GTPBP6: variants seen among roughly 807,000 people sequenced by gnomAD.
The protein encoded by GTPBP6 is GTP binding protein 6.
A neutral mutation model predicts 28.9 loss-of-function variants in GTPBP6; 33 were observed. The observed-to-expected ratio is 1.14, with a 90% CI of 0.87 to 1.53. The LOEUF (loss-of-function observed/expected upper bound fraction) is 1.53, where lower values mean the gene tolerates loss of function less well. Among genes scored for constraint, GTPBP6 ranks in the 40% most tolerant of loss-of-function variants. The pLI is 0.00. For synonymous variants in GTPBP6, 231 were observed against 192.7 expected, an observed-to-expected ratio of 1.20 and a Z score of -1.65; for missense variants, 507 against 408.3, an observed-to-expected ratio of 1.24 and a Z score of -2.08.
At chrX:312,687 A>AC (rs1569352028) in intron 6 of GTPBP6, 79 bp downstream of exon 6, 2 of 1,416,578 alleles carry the variant, frequency 1.4e-6, no homozygotes, top group Non-Finnish European at 9.8e-7. Context: ...GACGACAGGG[A>AC]CCCCCTGCCC....
chrX:311,007 A>G (rs751792326), intron 7 of GTPBP6, among the ~76,000 whole-genome samples: 1 of 152,112 alleles, frequency 6.6e-6, no homozygotes, highest in South Asian at 2.1e-4. Flanking sequence ...TCAGGCACAT[A>G]AGCCGGGAGA....
intron 4 of GTPBP6, 48 bp downstream of exon 4, chrX:314,842 T>C (rs2070399557): frequency 1.3e-5 from 5 of 399,892 alleles, no homozygotes; most frequent in East Asian, 7.1e-5. Flanking sequence ...ACGGAGGGGT[T>C]CCGGGAGTGG....
Position 314,882 on chromosome X carries a change from C to T in GTPBP6, c.689+8G>A. The stretch of plus-strand genomic sequence containing the variant: ...GACGCTCGGCGCGGCCCAGGGGCCC[C>T]ACGATACCTGTGCAGCGGCATCTCC... On this transcript the variant is annotated splice_region_variant and intron_variant, in intron 4 of 9. Transcript: ENST00000326153. 2.5e-6 allele frequency: 1 copy of T among 399,132 alleles called. No individual in the cohort carries two copies. The highest frequency in any genetic ancestry group is 3.6e-5 in the East Asian group (1 of 28,076). The allele number at this position is 399,132 out of a possible 1,614,324, so 24.7% of individuals were successfully genotyped here. A position where few individuals can be genotyped will look rare whatever the true frequency, so the allele number is the denominator to read the frequency against.
chrX:317,735 A>G (rs1488780395), intron 1 of GTPBP6, among the ~76,000 whole-genome samples: 13 of 39,006 alleles, frequency 3.3e-4, no homozygotes, highest in African/African-American at 1.5e-3. Context: ...CACCCCACGG[A>G]CCCCACGGGC....
intron 8 of GTPBP6, 41 bp from the exon 9 acceptor site, chrX:307,553 G>A (rs1185079392): frequency 6.2e-7 from 1 of 1,600,974 alleles, no homozygotes; most frequent in Non-Finnish European, 8.5e-7. Context: ...TCAGCGTCGG[G>A]GCGGCCGGAC....
At chrX:314,518 G>C (rs187584597) in intron 4 of GTPBP6, among the ~76,000 whole-genome samples, 1,559 of 151,522 alleles carry the variant, frequency 0.01, 23 homozygotes, top group African/African-American at 0.036. Context: ...TGTCACCCAG[G>C]CTGGAGTGCA....
intron 9 of GTPBP6, among the ~76,000 whole-genome samples, chrX:305,926 G>T (rs1602949027): frequency 1.3e-5 from 2 of 151,986 alleles, no homozygotes; most frequent in South Asian, 2.1e-4. Context: ...ACCTGGGGTG[G>T]TAACTTTTTA....
In GTPBP6 at chrX:317,045, C is replaced by T. The variant is rs2070451736; in HGVS notation, c.356G>A (p.Trp119Ter). The T allele has an allele frequency of 5.0e-6, 2 of 398,472 alleles. No homozygotes were observed. The highest frequency in any genetic ancestry group is 8.8e-6 in the Non-Finnish European group (2 of 226,090). 24.7% of individuals were successfully genotyped at this position (398,472 alleles called of 1,614,324 possible). The change falls in exon 2 of 10, where the codon TGG becomes TAG. Residue 119 changes from tryptophan to a stop codon, truncating the protein, a stop_gained. Coordinates refer to ENST00000326153, the Ensembl canonical transcript of GTPBP6. LOFTEE classifies it high-confidence loss of function. ...CAGCGCTGTGGCCTCCGCCACCTGCCACTCGGCTGCGGGGACACAAGGGCC... is the reference window on the plus strand; with the variant it reads ...CAGCGCTGTGGCCTCCGCCACCTGCTACTCGGCTGCGGGGACACAAGGGCC...
chrX:306,117 G>T (rs768672694), intron 9 of GTPBP6, among the ~76,000 whole-genome samples: 2 of 152,362 alleles, frequency 1.3e-5, no homozygotes, highest in South Asian at 4.1e-4. Context: ...TGGCAGCACA[G>T]ATTAGGCACC....
chrX:307,900 G>C lies in GTPBP6; in HGVS notation c.1126-20C>G. 2 of 1,496,210 alleles carry C rather than the reference G, an allele frequency of 1.3e-6. No individual in the cohort carries two copies. Among genetic ancestry groups the C allele is most frequent in the Non-Finnish European group, 1.8e-6 (2 of 1,124,242 alleles). 92.7% of individuals were successfully genotyped at this position (1,496,210 alleles called of 1,614,324 possible). On this transcript the variant is annotated intron_variant, in intron 7 of 9. Transcript: ENST00000326153. The stretch of plus-strand genomic sequence containing the variant: ...GAGATCCTGTGGGCCGGGCCGTGGG[G>C]TCAGAGCTGCGGAGCCTCTGGTCCC...
chrX:310,374 C>T (rs2070260667), intron 7 of GTPBP6, among the ~76,000 whole-genome samples: 1 of 131,486 alleles, frequency 7.6e-6, no homozygotes, highest in African/African-American at 3.4e-5. Flanking sequence ...CCCCCAGGAG[C>T]TGGGAGAGGC....
chrX:311,713 A>T, intron 6 of GTPBP6, 86 bp from the exon 7 acceptor site: 1 of 1,130,478 alleles, frequency 8.8e-7, no homozygotes, highest in Non-Finnish European at 1.3e-6. Flanking sequence ...AATGGAGACC[A>T]CGGCACCCTC....
At chrX:318,028 GACCCTCTCCTTAGA>G (rs1422141088) in intron 1 of GTPBP6, among the ~76,000 whole-genome samples, 2,172 of 116,846 alleles carry the variant, frequency 0.019, 31 homozygotes, top group Middle Eastern at 0.071. Flanking sequence ...CCAACCATCA[GACCCTCTCCTTAGA>G]GCCTGGCCCC....
intron 6 of GTPBP6, chrX:311,909 C>A: frequency 1.7e-6 from 1 of 596,222 alleles, no homozygotes; most frequent in Non-Finnish European, 3.0e-6. Flanking sequence ...GTGAGGTCGT[C>A]TGTGTAGATT....
chrX:314,573 C>T (rs893647208), intron 4 of GTPBP6, among the ~76,000 whole-genome samples: 21 of 151,912 alleles, frequency 1.4e-4, no homozygotes, highest in Admixed American at 9.2e-4. Context: ...CTGGGGTTCA[C>T]GCCATTCTCC....
chrX:314,167 C>A, exon 5 of GTPBP6: 2 of 1,612,762 alleles, frequency 1.2e-6, no homozygotes, highest in Admixed American at 1.7e-5. Context: ...CATGATGTAG[C>A]GCGAGCCGAC....
Position 312,750 on chromosome X carries a change from CTGGGCGCGTG to C in GTPBP6, c.916+6_916+15del. The C allele has an allele frequency of 6.3e-7, 1 of 1,595,928 alleles. No homozygotes were observed. Among genetic ancestry groups the C allele is most frequent in the Non-Finnish European group, 8.5e-7 (1 of 1,172,620 alleles). On this transcript the variant is annotated splice_donor_region_variant and intron_variant, in intron 6 of 9. Transcript: ENST00000326153. ...ACGGAGACCGCGGAAGGCCCCTCCC[CTGGGCGCGTG>C]CTCACCGCAGTTGGTGTACCCCACC...
exon 10 of GTPBP6, chrX:304,941 G>A: frequency 6.8e-7 from 1 of 1,474,846 alleles, no homozygotes; most frequent in South Asian, 1.4e-5. Context: ...AAATGGCTGG[G>A]AGCGAGACGG....
At chrX:314,764 C>G (rs1164077154) in intron 4 of GTPBP6, 126 bp downstream of exon 4, 2 of 412,026 alleles carry the variant, frequency 4.9e-6, no homozygotes, top group African/African-American at 2.0e-5. Context: ...GCGTGAGCCA[C>G]CGCGCCCGGC....
Sources: gnomAD v4.1 joint callset for allele counts (sites outside exome capture counted in the v4.1 genomes callset) on GRCh38, gnomAD v4.1.1 for gene constraint, MANE v1.5 for transcripts, NCBI Gene and HGNC (gene_info 2026-07-23, HGNC 2026-07-21) for gene names.